GTF2A1: variants seen among roughly 807,000 people sequenced by gnomAD.
GTF2A1 encodes the protein transcription initiation factor IIA subunit 1.
A neutral mutation model predicts 54.1 loss-of-function variants in GTF2A1; 12 were observed. That is an observed-to-expected ratio of 0.22 (90% CI 0.14 to 0.36). GTF2A1 has a LOEUF of 0.36. GTF2A1 is among the 10% of genes least tolerant of loss of function. The probability of loss-of-function intolerance (pLI) is 1.00; values close to 1 mark genes in which losing one functional copy is unlikely to be tolerated. For missense variants in GTF2A1, 335 were observed against 442.2 expected (o/e 0.76, Z 2.17); for synonymous variants, 145 against 152.0 (o/e 0.95, Z 0.34).
chr14:81,187,392 T>G (rs1411983194), intron 7 of GTF2A1, among the ~76,000 whole-genome samples: 1 of 151,888 alleles, frequency 6.6e-6, no homozygotes, highest in African/African-American at 2.4e-5. Context: ...AAAATTCAAG[T>G]TAACAACATT....
At chr14:81,209,563 G>GA (rs1893316875) in intron 2 of GTF2A1, among the ~76,000 whole-genome samples, 1 of 152,038 alleles carries the variant, frequency 6.6e-6, no homozygotes, top group Non-Finnish European at 1.5e-5. Context: ...AGACTCTCTG[G>GA]AAAATCCAAA....
Position 81,220,606 on chromosome 14 carries a change from G to T in GTF2A1, c.-88C>A. On this transcript the variant is annotated 5_prime_UTR_variant, in exon 1 of 9. Coordinates refer to ENST00000553612, the MANE Select transcript of GTF2A1 (RefSeq NM_015859.4). ...AAAAAAAAAAACTATAACACCCGGA[G>T]GGTGACCCAAATCACCGCAAGATTG... is the stretch of plus-strand genomic sequence containing the variant. 1.8e-6 allele frequency: 2 copies of T among 1,103,390 alleles called. No individual in the cohort carries two copies. Among genetic ancestry groups the T allele is most frequent in the African/African-American group, 1.6e-5 (1 of 60,870 alleles). The allele number at this position is 1,103,390 out of a possible 1,614,324, so 68.3% of individuals were successfully genotyped here. A position where few individuals can be genotyped will look rare whatever the true frequency, so the allele number is the denominator to read the frequency against.
rs1210957455 is a variant in GTF2A1 at position 81,175,658 on chromosome 14, T to C, written c.*4565A>G. On this transcript the variant is annotated 3_prime_UTR_variant, in exon 9 of 9. Coordinates refer to ENST00000553612, the MANE Select transcript of GTF2A1 (RefSeq NM_015859.4). Reference sequence around the variant, plus strand: ...ATATATTCAATACGCAATACAAACCTCAGTAATCCAATTCTCCTAATATGC... The same window carrying C: ...ATATATTCAATACGCAATACAAACCCCAGTAATCCAATTCTCCTAATATGC... 1.3e-5 allele frequency: 2 copies of C among 152,158 alleles called. No homozygotes were observed. The highest frequency in any genetic ancestry group is 2.4e-5 in the African/African-American group (1 of 41,454). 9.4% of individuals were successfully genotyped at this position (152,158 alleles called of 1,614,324 possible). A position where few individuals can be genotyped will look rare whatever the true frequency, so the allele number is the denominator to read the frequency against.
intron 1 of GTF2A1, among the ~76,000 whole-genome samples, chr14:81,220,023 A>G (rs904792500): frequency 8.0e-5 from 12 of 150,934 alleles, no homozygotes; most frequent in Non-Finnish European, 1.5e-4. Context: ...TTAATCTTCC[A>G]CTGCATTAAA....
rs927869413 is a variant in GTF2A1, at chr14:81,188,474, G to C, written c.934-2854C>G. ...CTTGTACTCTGGGTGTCATGTCTAA[G>C]AAAACTGTTGCAAGCGGCTGGGCAC... On this transcript the variant is annotated intron_variant, in intron 7 of 8. Transcript: ENST00000553612. Among the ~76,000 whole-genome samples, 9 of 152,130 alleles carry C rather than the reference G, an allele frequency of 5.9e-5. No homozygotes were observed. The East Asian group carries it at 1.7e-3, about 29-fold the overall frequency.
At chr14:81,197,833 A>G (rs1235320640) in intron 4 of GTF2A1, among the ~76,000 whole-genome samples, 1 of 152,128 alleles carries the variant, frequency 6.6e-6, no homozygotes, top group Non-Finnish European at 1.5e-5. Context: ...ACACATTTTT[A>G]GACAATACCC....
At chr14:81,195,810 C>T (rs1042408614) in intron 6 of GTF2A1, among the ~76,000 whole-genome samples, 4 of 151,906 alleles carry the variant, frequency 2.6e-5, no homozygotes, top group Non-Finnish European at 5.9e-5. Flanking sequence ...GTGAATACCC[C>T]GAGACTCAGT....
At chr14:81,205,772 A>G (rs941152479) in intron 2 of GTF2A1, among the ~76,000 whole-genome samples, 3 of 152,220 alleles carry the variant, frequency 2.0e-5, no homozygotes, top group African/African-American at 7.2e-5. Flanking sequence ...CCCAGGCGAA[A>G]GACAGCGCTT....
chr14:81,193,477 T>G (rs1892922090), intron 6 of GTF2A1, among the ~76,000 whole-genome samples: 1 of 152,144 alleles, frequency 6.6e-6, no homozygotes, highest in African/African-American at 2.4e-5. Flanking sequence ...TCTACTTTTG[T>G]CTAAAGTCAG....
At chr14:81,184,705 A>G (rs1892705811) in intron 8 of GTF2A1, among the ~76,000 whole-genome samples, 1 of 152,218 alleles carries the variant, frequency 6.6e-6, no homozygotes, top group South Asian at 2.1e-4. Context: ...GTTCATAACT[A>G]CATCGCCAGG....
chr14:81,183,743 T>A (rs1892684147), intron 8 of GTF2A1, among the ~76,000 whole-genome samples: 1 of 152,212 alleles, frequency 6.6e-6, no homozygotes, highest in Non-Finnish European at 1.5e-5. Context: ...GCAAGAACTC[T>A]ACCATATTAT....
chr14:81,200,310 T>C (rs1176507351), intron 4 of GTF2A1, among the ~76,000 whole-genome samples: 1 of 152,092 alleles, frequency 6.6e-6, no homozygotes, highest in African/African-American at 2.4e-5. Context: ...CATCTTTTCA[T>C]ACACTGCTTT....
At chr14:81,216,628 C>G in intron 1 of GTF2A1, 114 bp from the exon 2 acceptor site, 1 of 557,720 alleles carries the variant, frequency 1.8e-6, no homozygotes, top group Non-Finnish European at 3.2e-6. Context: ...CTATATATGA[C>G]TTTAAAGATA....
chr14:81,220,758 G>C lies in GTF2A1; in HGVS notation c.-240C>G, dbSNP rs1361397506. On this transcript the variant is annotated 5_prime_UTR_variant, in exon 1 of 9. Transcript: ENST00000553612. ...GCCTTAAAAAAAAAAAAAAAGCCACGACCCTTCAGGGGTCCGGGGGGCGTT... is the reference window on the plus strand; with the variant it reads ...GCCTTAAAAAAAAAAAAAAAGCCACCACCCTTCAGGGGTCCGGGGGGCGTT... The C allele has an allele frequency of 7.8e-6, 3 of 384,108 alleles. No individual in the cohort carries two copies. In the Admixed American group the frequency reaches 1.4e-4, roughly 18 times the overall value. The allele number at this position is 384,108 out of a possible 1,614,324, so 23.8% of individuals were successfully genotyped here. A position where few individuals can be genotyped will look rare whatever the true frequency, so the allele number is the denominator to read the frequency against.
At chr14:81,193,948 C>G (rs1892932180) in intron 6 of GTF2A1, among the ~76,000 whole-genome samples, 1 of 152,138 alleles carries the variant, frequency 6.6e-6, no homozygotes, top group Non-Finnish European at 1.5e-5. Context: ...AAAAACACAG[C>G]AGATGTAGTA....
At chr14:81,190,540 C>T (rs1892854115) in intron 7 of GTF2A1, among the ~76,000 whole-genome samples, 1 of 151,858 alleles carries the variant, frequency 6.6e-6, no homozygotes, top group Non-Finnish European at 1.5e-5. Flanking sequence ...AATAACATTA[C>T]GTGAGAAATT....
At chr14:81,191,416 T>C (rs8014406) in intron 7 of GTF2A1, among the ~76,000 whole-genome samples, 3 of 152,000 alleles carry the variant, frequency 2.0e-5, no homozygotes, top group Non-Finnish European at 4.4e-5. Context: ...AAACAATCCT[T>C]ATGTCCACTG....
rs200502995 is a variant in GTF2A1, at chr14:81,192,567, C to A, written c.885G>T (p.Glu295Asp). 2.5e-4 allele frequency: 396 copies of A among 1,613,176 alleles called. No individual in the cohort carries two copies. The highest frequency in any genetic ancestry group is 3.1e-4 in the Non-Finnish European group (362 of 1,179,346). Residue 295 changes from glutamate to aspartate, a missense_variant, in exon 7 of 9, where the codon GAG becomes GAT. Transcript: ENST00000553612. ...EDEEEDYDDD[E>D]EEDKEKDGAE... ...CTCCATCTTTCTCTTTGTCTTCCTC[C>A]TCATCATCATCATAGTCTTCTTCTT...
chr14:81,201,674 C>T lies in GTF2A1; in HGVS notation c.338-16G>A, dbSNP rs45628838. ...GGTGCTGTGGCTACAAAAAAACAAG[C>T]GAACATGCAAACAAGGAACCATGAG... On this transcript the variant is annotated splice_polypyrimidine_tract_variant and intron_variant, in intron 3 of 8. Transcript: ENST00000553612. 10,229 of 1,584,924 alleles carry T rather than the reference C, an allele frequency of 6.5e-3. 29 individuals carry two copies. The highest frequency in any genetic ancestry group is 8.0e-3 in the Non-Finnish European group (9,217 of 1,154,096).
Sources: allele counts gnomAD v4.1 joint callset (sites outside exome capture counted in the v4.1 genomes callset), GRCh38; gene constraint gnomAD v4.1.1; transcripts MANE v1.5; gene names NCBI Gene and HGNC (gene_info 2026-07-23, HGNC 2026-07-21).